DENND1B: variants seen among roughly 807,000 people sequenced by gnomAD.
The protein encoded by DENND1B is DENN domain-containing protein 1B.
In DENND1B, 59 loss-of-function variants were observed where a neutral mutation model predicts 90.1. That is an observed-to-expected ratio of 0.65 (90% CI 0.53 to 0.81). DENND1B has a LOEUF of 0.81. Ranked by LOEUF, DENND1B falls within the 40% of genes least tolerant of loss-of-function variation. The pLI, the probability that DENND1B is intolerant of heterozygous loss-of-function variation, is 0.00. For missense variants in DENND1B, 862 were observed against 912.6 expected, an observed-to-expected ratio of 0.94 and a Z score of 0.71; for synonymous variants, 337 against 324.6, an observed-to-expected ratio of 1.04 and a Z score of -0.41.
At chr1:197,697,148 T>A (rs1437463484) in intron 3 of DENND1B, among the ~76,000 whole-genome samples, 1 of 149,744 alleles carries the variant, frequency 6.7e-6, no homozygotes, top group East Asian at 2.0e-4. Flanking sequence ...GTGAAGGAAG[T>A]CTGACCATGC....
chr1:197,686,579 G>A (rs560431040), intron 3 of DENND1B, among the ~76,000 whole-genome samples: 7 of 152,064 alleles, frequency 4.6e-5, no homozygotes. Context: ...TTTAACATGT[G>A]TTTATTAAGA....
intron 15 of DENND1B, among the ~76,000 whole-genome samples, chr1:197,553,421 T>C (rs1671421478): frequency 2.0e-5 from 3 of 152,078 alleles, no homozygotes; most frequent in Admixed American, 6.6e-5. Context: ...TCTGGATAGG[T>C]TGCTCAATGC....
chr1:197,644,181 A>G (rs771669944), intron 9 of DENND1B, among the ~76,000 whole-genome samples: 9 of 152,232 alleles, frequency 5.9e-5, no homozygotes, highest in Non-Finnish European at 1.3e-4. Context: ...CAAGATTAGT[A>G]TATTTCCTAT....
At chr1:197,527,820 A>G (rs190894574) in intron 20 of DENND1B, among the ~76,000 whole-genome samples, 10 of 152,112 alleles carry the variant, frequency 6.6e-5, no homozygotes, top group Non-Finnish European at 1.2e-4. Flanking sequence ...TTTGATTTAC[A>G]ATCACTTTTT....
intron 10 of DENND1B, among the ~76,000 whole-genome samples, chr1:197,635,482 G>A (rs1047253186): frequency 6.6e-6 from 1 of 150,856 alleles, no homozygotes. Flanking sequence ...GATTACAGGC[G>A]TGTGACACCA....
chr1:197,616,731 G>T (rs778561452), intron 11 of DENND1B, among the ~76,000 whole-genome samples: 31 of 151,074 alleles, frequency 2.1e-4, no homozygotes, highest in Non-Finnish European at 4.0e-4. Context: ...AAAGTTAAAT[G>T]AGTGCATTGA....
At chr1:197,587,731 A>G (rs1231223885) in intron 14 of DENND1B, among the ~76,000 whole-genome samples, 1 of 152,120 alleles carries the variant, frequency 6.6e-6, no homozygotes, top group Non-Finnish European at 1.5e-5. Flanking sequence ...GTTGTGGGAT[A>G]ATTCAAGCGC....
intron 3 of DENND1B, among the ~76,000 whole-genome samples, chr1:197,696,691 T>C (rs1174395754): frequency 1.3e-5 from 2 of 151,544 alleles, no homozygotes; most frequent in Non-Finnish European, 3.0e-5. Context: ...TTGCCTATTA[T>C]TTTTCCAAGA....
intron 3 of DENND1B, among the ~76,000 whole-genome samples, chr1:197,680,525 C>A (rs1656578707): frequency 6.6e-6 from 1 of 152,126 alleles, no homozygotes; most frequent in African/African-American, 2.4e-5. Context: ...ATGACTCCAA[C>A]CCACAGTTAT....
At chr1:197,633,632 G>A (rs1306277595) in intron 10 of DENND1B, among the ~76,000 whole-genome samples, 1 of 152,116 alleles carries the variant, frequency 6.6e-6, no homozygotes, top group Non-Finnish European at 1.5e-5. Context: ...AGTTTCTGCA[G>A]TGCCTGGCTC....
intron 6 of DENND1B, among the ~76,000 whole-genome samples, chr1:197,655,878 T>C (rs1450970048): frequency 6.6e-6 from 1 of 151,968 alleles, no homozygotes; most frequent in East Asian, 1.9e-4. Flanking sequence ...AATTAGTGAG[T>C]GGTCTGTAAT....
chr1:197,512,987 G>C, intron 20 of DENND1B, 34 bp from the exon 21 acceptor site: 1 of 1,568,980 alleles, frequency 6.4e-7, no homozygotes, highest in Non-Finnish European at 8.7e-7. Context: ...ATTGGCATTA[G>C]CAGTTTAAAA....
intron 2 of DENND1B, among the ~76,000 whole-genome samples, chr1:197,759,775 G>GAGGA (rs1654791776): frequency 6.7e-6 from 1 of 149,758 alleles, no homozygotes; most frequent in African/African-American, 2.5e-5. Flanking sequence ...AAGCATGCGG[G>GAGGA]AGGAAGATAC....
intron 2 of DENND1B, among the ~76,000 whole-genome samples, chr1:197,765,930 A>C (rs1655644104): frequency 6.6e-6 from 1 of 152,216 alleles, no homozygotes; most frequent in Non-Finnish European, 1.5e-5. Flanking sequence ...TTACACTTGC[A>C]GGCAGCTATG....
intron 20 of DENND1B, among the ~76,000 whole-genome samples, chr1:197,515,948 A>C (rs1465539836): frequency 6.6e-6 from 1 of 151,812 alleles, no homozygotes; most frequent in African/African-American, 2.4e-5. Flanking sequence ...CTGTCTGCAT[A>C]TACTATAGCA....
chr1:197,571,323 G>T (rs375178512), intron 15 of DENND1B, among the ~76,000 whole-genome samples: 3 of 152,162 alleles, frequency 2.0e-5, no homozygotes, highest in Admixed American at 2.0e-4. Flanking sequence ...TCAAAGCCTT[G>T]TATGATCTGT....
At position 197,505,116 on chromosome 1, in the gene DENND1B, T is replaced by C. The variant is rs1462917617; in HGVS notation, c.*5344A>G. 4 of 151,944 alleles carry C rather than the reference T, an allele frequency of 2.6e-5. No individual in the cohort carries two copies. Among genetic ancestry groups the C allele is most frequent in the African/African-American group, 7.2e-5 (3 of 41,526 alleles). The allele number at this position is 151,944 out of a possible 1,614,324, so 9.4% of individuals were successfully genotyped here. A position where few individuals can be genotyped will look rare whatever the true frequency, so the allele number is the denominator to read the frequency against. ...TACATAAAAAAGCTTTATGCATTTA[T>C]GTTGTAGGACTCAGGCAGTTCATAT... On this transcript the variant is annotated 3_prime_UTR_variant, in exon 23 of 23. Transcript: ENST00000620048.
chr1:197,772,522 T>G (rs1656750528), intron 2 of DENND1B, among the ~76,000 whole-genome samples: 1 of 152,116 alleles, frequency 6.6e-6, no homozygotes, highest in Non-Finnish European at 1.5e-5. Context: ...AATCAATTAT[T>G]TTAAGAATTA....
chr1:197,755,550 G>T (rs1654174146), intron 2 of DENND1B, among the ~76,000 whole-genome samples: 1 of 151,964 alleles, frequency 6.6e-6, no homozygotes, highest in Non-Finnish European at 1.5e-5. Context: ...AGACAATAAG[G>T]AAATAAAATG....
Sources: gnomAD v4.1 joint callset for allele counts (sites outside exome capture counted in the v4.1 genomes callset) on GRCh38, gnomAD v4.1.1 for gene constraint, MANE v1.5 for transcripts, NCBI Gene and HGNC (gene_info 2026-07-23, HGNC 2026-07-21) for gene names.